The following CSMD1 variants were observed in gnomAD, a reference collection of about 807,000 sequenced individuals.
CSMD1 encodes the protein CUB and Sushi multiple domains 1, also known as CUB and sushi domain-containing protein 1.
CSMD1 carries 213 observed loss-of-function variants against 417.5 expected under a neutral mutation model. The observed-to-expected ratio is 0.51, with a 90% CI of 0.46 to 0.57. CSMD1 has a LOEUF of 0.57. Among genes scored for constraint, CSMD1 ranks in the 20% least tolerant of loss-of-function variants. The probability of loss-of-function intolerance (pLI) is 0.00; values close to 1 mark genes in which losing one functional copy is unlikely to be tolerated. For synonymous variants in CSMD1, 2,862 were observed against 1,736.8 expected, an observed-to-expected ratio of 1.65 and a Z score of -16.11; for missense variants, 6,923 against 4,529.7, an observed-to-expected ratio of 1.53 and a Z score of -15.17.
intron 3 of CSMD1, among the ~76,000 whole-genome samples, chr8:4,314,899 G>T (rs1248717655): frequency 6.6e-6 from 1 of 152,098 alleles, no homozygotes; most frequent in Admixed American, 6.5e-5. Flanking sequence ...GAACATAATT[G>T]GGCTCCTAAA....
At chr8:4,157,167 G>T (rs1006417348) in intron 3 of CSMD1, among the ~76,000 whole-genome samples, 8 of 152,256 alleles carry the variant, frequency 5.3e-5, no homozygotes, top group African/African-American at 1.9e-4. Context: ...AACATCAGAA[G>T]AAGATTTTGG....
chr8:3,561,654 G>A (rs987839388), intron 10 of CSMD1, among the ~76,000 whole-genome samples: 5 of 152,138 alleles, frequency 3.3e-5, no homozygotes, highest in Non-Finnish European at 4.4e-5. Flanking sequence ...TAAAGCTTAA[G>A]AATTGCACAT....
At chr8:3,804,133 T>C (rs1800603196) in intron 5 of CSMD1, among the ~76,000 whole-genome samples, 1 of 152,074 alleles carries the variant, frequency 6.6e-6, no homozygotes, top group Non-Finnish European at 1.5e-5. Flanking sequence ...GGTTTCACCA[T>C]GTTGGCCAGG....
chr8:3,170,625 G>T (rs919024409), intron 37 of CSMD1, among the ~76,000 whole-genome samples: 1 of 152,160 alleles, frequency 6.6e-6, no homozygotes, highest in Non-Finnish European at 1.5e-5. Context: ...AGCTCCTAAA[G>T]ATTGATCTTG....
intron 5 of CSMD1, among the ~76,000 whole-genome samples, chr8:3,887,143 G>A (rs1432212945): frequency 1.3e-5 from 2 of 152,126 alleles, no homozygotes; most frequent in African/African-American, 4.8e-5. Context: ...TGTGGGTGAG[G>A]ATGATGGCAT....
intron 2 of CSMD1, among the ~76,000 whole-genome samples, chr8:4,548,150 G>A (rs190237150): frequency 2.4e-4 from 37 of 151,644 alleles, no homozygotes; most frequent in Admixed American, 2.1e-3. Flanking sequence ...GGTACCGAAT[G>A]TCTAGGATTG....
intron 1 of CSMD1, among the ~76,000 whole-genome samples, chr8:4,816,910 C>A (rs1208982197): frequency 1.3e-5 from 2 of 152,102 alleles, no homozygotes; most frequent in Admixed American, 1.3e-4. Flanking sequence ...TGGAGCATAA[C>A]AATCACTCCC....
intron 27 of CSMD1, 103 bp downstream of exon 27, chr8:3,229,937 C>G (rs1798734308): frequency 2.4e-6 from 2 of 847,898 alleles, no homozygotes; most frequent in Non-Finnish European, 3.5e-6. Flanking sequence ...GAAAGAAACT[C>G]TTGAGAAATA....
In CSMD1 at chr8:3,889,472, TATATATATATATATATATATAA is replaced by T. The variant is rs1335052820; in HGVS notation, c.818+108409_818+108430del. On this transcript the variant is annotated intron_variant, in intron 5 of 69. Coordinates refer to ENST00000635120, the MANE Select transcript of CSMD1 (RefSeq NM_033225.6). ...CTTTCCATATATATATATATATATATATATATATATATATATATATAAAATATGCTCATTAGGTCATGATATA... is the reference window on the plus strand; with the variant it reads ...CTTTCCATATATATATATATATATATAATATGCTCATTAGGTCATGATATA... Among the ~76,000 whole-genome samples, 967 of 107,396 alleles carry T rather than the reference TATATATATATATATATATATAA, an allele frequency of 9.0e-3. 42 individuals are homozygous for T. Among genetic ancestry groups the T allele is most frequent in the African/African-American group, 0.03 (908 of 30,072 alleles). The allele number at this position is 107,396 out of a possible 152,430, so 70.5% of individuals were successfully genotyped here.
intron 1 of CSMD1, among the ~76,000 whole-genome samples, chr8:4,769,113 A>T (rs1181352453): frequency 6.6e-6 from 1 of 152,226 alleles, no homozygotes; most frequent in East Asian, 1.9e-4. Flanking sequence ...TCTGGTTCAA[A>T]ATCTACTTGC....
chr8:3,501,986 G>A (rs777398964), intron 10 of CSMD1, among the ~76,000 whole-genome samples: 1 of 152,058 alleles, frequency 6.6e-6, no homozygotes, highest in African/African-American at 2.4e-5. Context: ...ATGCAAAATG[G>A]TACAGTCACT....
At chr8:4,677,690 G>A (rs1057103303) in intron 1 of CSMD1, among the ~76,000 whole-genome samples, 1 of 151,886 alleles carries the variant, frequency 6.6e-6, no homozygotes, top group Admixed American at 6.6e-5. Context: ...GTTCTACTTT[G>A]ACTCACCGTT....
At chr8:4,240,276 C>A (rs941873674) in intron 3 of CSMD1, among the ~76,000 whole-genome samples, 2 of 152,184 alleles carry the variant, frequency 1.3e-5, no homozygotes, top group African/African-American at 2.4e-5. Flanking sequence ...CACTGGGAAA[C>A]CTCTGATTGC....
At chr8:4,583,105 C>T (rs1231138067) in intron 2 of CSMD1, among the ~76,000 whole-genome samples, 1 of 152,224 alleles carries the variant, frequency 6.6e-6, no homozygotes. Context: ...GTGCCTGAGC[C>T]TCCCACCCAC....
chr8:4,616,584 T>A (rs1427379418), intron 2 of CSMD1, among the ~76,000 whole-genome samples: 1 of 152,200 alleles, frequency 6.6e-6, no homozygotes, highest in Non-Finnish European at 1.5e-5. Context: ...TTTGGTTAAA[T>A]ACAAAACACT....
At chr8:4,141,463 C>T (rs886401549) in intron 3 of CSMD1, among the ~76,000 whole-genome samples, 1 of 151,132 alleles carries the variant, frequency 6.6e-6, no homozygotes, top group Non-Finnish European at 1.5e-5. Flanking sequence ...TTTAACACTG[C>T]TTTTGTATAC....
intron 3 of CSMD1, among the ~76,000 whole-genome samples, chr8:4,057,561 G>T (rs935738935): frequency 2.0e-5 from 3 of 151,868 alleles, no homozygotes; most frequent in South Asian, 2.1e-4. Context: ...GTCAATTTTG[G>T]CTTTTGTTGC....
At chr8:3,654,119 G>A (rs563954134) in intron 7 of CSMD1, among the ~76,000 whole-genome samples, 37 of 152,264 alleles carry the variant, frequency 2.4e-4, no homozygotes, top group Middle Eastern at 3.4e-3. Flanking sequence ...AGGAAACAGT[G>A]TAACCACCCC....
chr8:4,457,658 T>TAAG (rs1182298295), intron 2 of CSMD1, among the ~76,000 whole-genome samples: 1 of 152,192 alleles, frequency 6.6e-6, no homozygotes, highest in Non-Finnish European at 1.5e-5. Flanking sequence ...AGCATGATGT[T>TAAG]AAGCTCAGAC....
Sources: gnomAD v4.1 joint callset for allele counts (sites outside exome capture counted in the v4.1 genomes callset) on GRCh38, gnomAD v4.1.1 for gene constraint, MANE v1.5 for transcripts, NCBI Gene and HGNC (gene_info 2026-07-23, HGNC 2026-07-21) for gene names.